Variants in KIF1C observed in about 807,000 individuals in gnomAD.
The protein encoded by KIF1C is kinesin family member 1C, also known as kinesin-like protein KIF1C.
A neutral mutation model predicts 126.5 loss-of-function variants in KIF1C; 61 were observed. That is an observed-to-expected ratio of 0.48 (90% CI 0.39 to 0.60). KIF1C has a LOEUF of 0.60. KIF1C is among the 20% of genes least tolerant of loss of function. The pLI is 0.00. For missense variants in KIF1C, 1,315 were observed against 1,489.2 expected, an observed-to-expected ratio of 0.88 and a Z score of 1.93; for synonymous variants, 640 against 580.6, an observed-to-expected ratio of 1.10 and a Z score of -1.47.
chr17:5,021,503 A>AG (rs2143384930), intron 21 of KIF1C, among the ~76,000 whole-genome samples: 1 of 151,740 alleles, frequency 6.6e-6, no homozygotes, highest in Admixed American at 6.6e-5. Flanking sequence ...TTTTTGAGGC[A>AG]GGATCTTGCT....
At chr17:5,003,724 C>T in intron 9 of KIF1C, 35 bp downstream of exon 9, 4 of 1,591,482 alleles carry the variant, frequency 2.5e-6, no homozygotes, top group Non-Finnish European at 3.4e-6. Flanking sequence ...TGTTGTGGGG[C>T]AGTGTTGTGG....
rs191292171 is a variant in KIF1C at position 5,013,737 on chromosome 17, C to T, written c.1571+5C>T. 1.1e-5 allele frequency: 18 copies of T among 1,612,362 alleles called. No individual in the cohort carries two copies. In the East Asian group the frequency reaches 1.3e-4, roughly 12 times the overall value. On this transcript the variant is annotated splice_donor_5th_base_variant and intron_variant, in intron 17 of 22. Transcript: ENST00000320785. ...CATCAAAGATGGCGTCACCAGGTAG[C>T]GTGTACCCAGCGGCCTGGGGGGCAG...
rs763613795 is a variant in KIF1C, at chr17:5,002,109, A to G, written c.414A>G (p.Leu138=). ...TTAGTGAGAACCAGAGTGCTCAGCT[A>G]TCCTACTCTGTGGAGGTAAGCCCGG... ...SRVSENQSAQ[L]SYSVEVSYME... Residue 138 remains leucine (L), a synonymous_variant, in exon 6 of 23, where the codon CTA becomes CTG. Coordinates refer to ENST00000320785, the MANE Select transcript of KIF1C (RefSeq NM_006612.6). The G allele has an allele frequency of 1.2e-6, 2 of 1,613,954 alleles. No homozygotes were observed. Among genetic ancestry groups the G allele is most frequent in the East Asian group, 2.2e-5 (1 of 44,872 alleles).
chr17:5,022,157 C>G lies in KIF1C; in HGVS notation c.2076C>G (p.Ile692Met), dbSNP rs2143386971. ...KRSCEESWRLISSLREQLPPT... is the reference protein window; with the variant it reads ...KRSCEESWRLMSSLREQLPPT... ...CTTGTGAAGAGAGCTGGAGGCTCAT[C>G]TCCTCCTTGCGGGAGCAGCTGCCGC... The change falls in exon 22 of 23, where the codon ATC becomes ATG. Residue 692 changes from isoleucine (I) to methionine (M), a missense_variant. Ile to Met is a conservative substitution (Grantham distance 10, BLOSUM62 1). Coordinates refer to ENST00000320785, the MANE Select transcript of KIF1C (RefSeq NM_006612.6). The surrounding 1 kb of genome is among the most constrained non-coding windows in gnomAD (Gnocchi z 4.9). 6.2e-7 allele frequency: 1 copy of G among 1,613,848 alleles called. No individual in the cohort carries two copies. The highest frequency in any genetic ancestry group is 8.5e-7 in the Non-Finnish European group (1 of 1,179,802).
At position 5,002,920 on chromosome 17, in the gene KIF1C, T is replaced by C. The variant is rs577831866; in HGVS notation, c.720+78T>C. The stretch of plus-strand genomic sequence containing the variant: ...CAGGGACAGTGACATGGTAGAAGGG[T>C]CTTGGGCCCTCCCTGCCCATGCTGG... On this transcript the variant is annotated intron_variant, in intron 8 of 22. Transcript: ENST00000320785. 3.1e-5 allele frequency: 35 copies of C among 1,134,952 alleles called. No individual in the cohort carries two copies. In the African/African-American group the frequency reaches 4.8e-4, roughly 15 times the overall value. The allele number at this position is 1,134,952 out of a possible 1,614,324, so 70.3% of individuals were successfully genotyped here. A position where few individuals can be genotyped will look rare whatever the true frequency, so the allele number is the denominator to read the frequency against.
Position 5,024,049 on chromosome 17 carries a change from C to A in KIF1C, c.3210C>A (p.Ala1070=). The change falls in exon 23 of 23, where the codon GCC becomes GCA. Residue 1070 remains alanine, a synonymous_variant. Coordinates refer to ENST00000320785, the MANE Select transcript of KIF1C (RefSeq NM_006612.6). ...CCCAGCCACCCCAACCCTACCCAGCCCAGCGGCCCCCAGGGCCCCGCTACC... is the reference window on the plus strand; with the variant it reads ...CCCAGCCACCCCAACCCTACCCAGCACAGCGGCCCCCAGGGCCCCGCTACC... ...SYPQPPQPYP[A]QRPPGPRYPP... The A allele has an allele frequency of 6.3e-7, 1 of 1,577,530 alleles. No individual in the cohort carries two copies. The highest frequency in any genetic ancestry group is 8.6e-7 in the Non-Finnish European group (1 of 1,162,154).
intron 6 of KIF1C, 151 bp from the exon 7 acceptor site, chr17:5,002,313 T>C: frequency 6.5e-6 from 6 of 922,710 alleles, no homozygotes; most frequent in Non-Finnish European, 1.0e-5. Flanking sequence ...CCTCCTGGCT[T>C]GTTGGGCAGG....
At chr17:5,001,648 C>T (rs562857924) in intron 5 of KIF1C, among the ~76,000 whole-genome samples, 2 of 152,326 alleles carry the variant, frequency 1.3e-5, no homozygotes, top group South Asian at 4.1e-4. Flanking sequence ...GGTTCGAGCG[C>T]CAGTTTTACG....
chr17:5,017,915 G>A (rs1221590591), intron 18 of KIF1C, among the ~76,000 whole-genome samples: 1 of 152,098 alleles, frequency 6.6e-6, no homozygotes, highest in East Asian at 1.9e-4. Flanking sequence ...GGGCCAAGCT[G>A]GAGCAGTCTT....
At position 5,020,577 on chromosome 17, in the gene KIF1C, C is replaced by T. The variant is rs1242585400; in HGVS notation, c.1836C>T (p.Pro612=). 7.4e-6 allele frequency: 12 copies of T among 1,614,142 alleles called. No homozygotes were observed. The Admixed American group carries it at 1.8e-4, about 25-fold the overall frequency. ...QARLERERGV[P]PPPGPPSEPV... ...GGCTGGAACGGGAACGAGGGGTCCC[C>T]CCACCCCCAGGACCGCCCTCTGAGC... Residue 612 remains proline, a synonymous_variant, in exon 20 of 23, where the codon CCC becomes CCT. Transcript: ENST00000320785. This position sits in a 1 kb window ranked among gnomAD's most constrained non-coding sequence, Gnocchi z 5.8.
At chr17:5,008,714 T>C (rs1478126588) in intron 16 of KIF1C, among the ~76,000 whole-genome samples, 2 of 152,236 alleles carry the variant, frequency 1.3e-5, no homozygotes, top group Non-Finnish European at 2.9e-5. Flanking sequence ...TAGGCCAGGC[T>C]GCGTGTCTGG....
chr17:5,004,138 G>A (rs1974671423), intron 11 of KIF1C, 65 bp downstream of exon 11: 4 of 1,149,310 alleles, frequency 3.5e-6, no homozygotes, highest in Non-Finnish European at 5.3e-6. Flanking sequence ...TGATACATCT[G>A]ACAAATCCCC....
intron 18 of KIF1C, among the ~76,000 whole-genome samples, chr17:5,017,502 C>T (rs1055465544): frequency 2.6e-5 from 4 of 152,076 alleles, no homozygotes; most frequent in South Asian, 2.1e-4. Flanking sequence ...GACGGGGTTT[C>T]GCCGTGTTAG....
intron 1 of KIF1C, among the ~76,000 whole-genome samples, chr17:4,999,512 C>G (rs931564306): frequency 5.9e-5 from 9 of 151,976 alleles, no homozygotes; most frequent in Admixed American, 3.9e-4. Context: ...TGTCTTATTT[C>G]TCTAATTTTC....
intron 6 of KIF1C, 97 bp from the exon 7 acceptor site, chr17:5,002,367 C>A: frequency 8.3e-7 from 1 of 1,204,460 alleles, no homozygotes; most frequent in Non-Finnish European, 1.2e-6. Context: ...TGTGTATTAG[C>A]TGCAGTCACC....
rs765920431 is a variant in KIF1C, at chr17:5,021,169, GTTTTTT to G, written c.2010+309_2010+314del. On this transcript the variant is annotated intron_variant, in intron 21 of 22. Coordinates refer to ENST00000320785, the MANE Select transcript of KIF1C (RefSeq NM_006612.6). ...CTGTGTTGGTATTAAGATTGTTGTG[GTTTTTT>G]TTTTTTTTTTTTTTTTTGGAGATGG... 3.2e-3 allele frequency among the ~76,000 whole-genome samples: 249 copies of G among 77,396 alleles called. 3 individuals carry two copies. In the East Asian group the frequency reaches 0.068, roughly 21 times the overall value. The allele number at this position is 77,396 out of a possible 152,430, so 50.8% of individuals were successfully genotyped here.
rs1401183057 is a variant in KIF1C, at chr17:5,023,150, G to A, written c.2629-318G>A. 1.3e-5 allele frequency among the ~76,000 whole-genome samples: 2 copies of A among 152,016 alleles called. No individual in the cohort carries two copies. Among genetic ancestry groups the A allele is most frequent in the Non-Finnish European group, 2.9e-5 (2 of 68,012 alleles). On this transcript the variant is annotated intron_variant, in intron 22 of 22. Coordinates refer to ENST00000320785, the MANE Select transcript of KIF1C (RefSeq NM_006612.6). This position sits in a 1 kb window ranked among gnomAD's most constrained non-coding sequence, Gnocchi z 4.2. ...CTGCCTCAGCCTCCTGAGTAGCTGGGACTACAGGCGCGCACCACCACACCC... is the reference window on the plus strand; with the variant it reads ...CTGCCTCAGCCTCCTGAGTAGCTGGAACTACAGGCGCGCACCACCACACCC...
chr17:5,021,229 G>A (rs542995846), intron 21 of KIF1C, among the ~76,000 whole-genome samples: 1 of 132,596 alleles, frequency 7.5e-6, no homozygotes, highest in Admixed American at 9.1e-5. Flanking sequence ...CTGGAACGCA[G>A]TGGGATGATC....
intron 17 of KIF1C, among the ~76,000 whole-genome samples, 195 bp from the exon 18 acceptor site, chr17:5,014,548 G>C (rs936363215): frequency 1.3e-5 from 2 of 152,140 alleles, no homozygotes; most frequent in African/African-American, 4.8e-5. Context: ...GGCAGACCTG[G>C]GCTCAGATCC....
Sources: gnomAD v4.1 joint callset for allele counts (sites outside exome capture counted in the v4.1 genomes callset) on GRCh38, gnomAD v4.1.1 for gene constraint, Gnocchi (gnomAD v3.1) non-coding constraint, MANE v1.5 for transcripts, NCBI Gene and HGNC (gene_info 2026-07-23, HGNC 2026-07-21) for gene names.